The following RANBP2 variants were observed in gnomAD, a reference collection of about 807,000 sequenced individuals.
RANBP2 encodes E3 SUMO-protein ligase RanBP2.
In RANBP2, 57 loss-of-function variants were observed where a neutral mutation model predicts 303.6. The ratio of observed to expected loss-of-function variants is 0.19; its 90% CI spans 0.15 to 0.23. RANBP2 has a LOEUF of 0.23. RANBP2 is among the 10% of genes least tolerant of loss of function. The pLI is 1.00. For missense variants in RANBP2, 3,138 were observed against 3,780.8 expected (o/e 0.83, Z 4.46); for synonymous variants, 1,167 against 1,301.5 (o/e 0.90, Z 2.23).
chr2:108,946,285 G>A, the RANBP2 span, among the ~76,000 whole-genome samples: 8 of 152,284 alleles, frequency 5.3e-5, no homozygotes, highest in East Asian at 1.2e-3. Context: ...CAGTACCTAC[G>A]GGTGACAGTG....
At chr2:108,735,090 C>T (rs1206443801) in intron 4 of RANBP2, among the ~76,000 whole-genome samples, 1 of 152,064 alleles carries the variant, frequency 6.6e-6, no homozygotes, top group Non-Finnish European at 1.5e-5. Flanking sequence ...CATTTAAGGT[C>T]AGGAGGTGAT....
At chr2:109,596,571 C>T in the RANBP2 span, among the ~76,000 whole-genome samples, 2 of 151,378 alleles carry the variant, frequency 1.3e-5, no homozygotes, top group Non-Finnish European at 2.9e-5. Context: ...GAGCAGAGAT[C>T]GCGCCGCTGC....
chr2:109,542,041 C>A, the RANBP2 span, among the ~76,000 whole-genome samples: 1 of 152,152 alleles, frequency 6.6e-6, no homozygotes, highest in Non-Finnish European at 1.5e-5. Context: ...GGAGGGAGTA[C>A]GTACCAGGAT....
At chr2:109,169,364 G>T in the RANBP2 span, among the ~76,000 whole-genome samples, 1 of 152,094 alleles carries the variant, frequency 6.6e-6, no homozygotes, top group African/African-American at 2.4e-5. Context: ...TTTCAGGAAG[G>T]GTCCCTTGCT....
chr2:108,788,252 C>G (rs1679256908), downstream of RANBP2, among the ~76,000 whole-genome samples: 1 of 151,556 alleles, frequency 6.6e-6, no homozygotes, highest in South Asian at 2.1e-4. Flanking sequence ...AATCCCGTCT[C>G]TACTAAAGAT....
At chr2:109,615,951 T>G in the RANBP2 span, 1 of 1,593,848 alleles carries the variant, frequency 6.3e-7, no homozygotes, top group Non-Finnish European at 8.5e-7. Context: ...CACACCCTCT[T>G]TCAGGGACCC....
At chr2:108,942,193 G>A in the RANBP2 span, among the ~76,000 whole-genome samples, 1 of 152,248 alleles carries the variant, frequency 6.6e-6, no homozygotes, top group Admixed American at 6.5e-5. Context: ...AGCATTGCAA[G>A]GGAGGCACTC....
chr2:109,613,860 A>G, the RANBP2 span: 18 of 1,233,180 alleles, frequency 1.5e-5, no homozygotes, highest in African/African-American at 2.6e-4. Flanking sequence ...AAGCGGCTGT[A>G]TCAGCCCGGC....
At chr2:109,568,373 CTTT>C in the RANBP2 span, among the ~76,000 whole-genome samples, 3 of 129,168 alleles carry the variant, frequency 2.3e-5, no homozygotes, top group Non-Finnish European at 3.3e-5. Flanking sequence ...GCCACACAAT[CTTT>C]TTTTTTTTTT....
At chr2:109,062,844 G>T in the RANBP2 span, among the ~76,000 whole-genome samples, 3 of 151,790 alleles carry the variant, frequency 2.0e-5, no homozygotes, top group African/African-American at 7.3e-5. Context: ...GATGTGTTGG[G>T]GGCCCTGGGA....
At chr2:108,912,571 G>T in the RANBP2 span, 2 of 1,084,396 alleles carry the variant, frequency 1.8e-6, no homozygotes, top group Non-Finnish European at 2.7e-6. Context: ...AGGCCAGGTG[G>T]GGAAGCGCAC....
chr2:109,347,715 C>T, the RANBP2 span: 219 of 1,613,842 alleles, frequency 1.4e-4, no homozygotes, highest in African/African-American at 2.2e-3. Context: ...TCTACAGCTA[C>T]GAGGGGAAGG....
the RANBP2 span, among the ~76,000 whole-genome samples, chr2:109,198,533 C>A: frequency 7.9e-5 from 12 of 152,140 alleles, no homozygotes; most frequent in Admixed American, 7.9e-4. Context: ...CAGCAGACAT[C>A]GATTTCTGTG....
chr2:109,319,391 G>A, the RANBP2 span, among the ~76,000 whole-genome samples: 26 of 152,336 alleles, frequency 1.7e-4, no homozygotes, highest in Admixed American at 1.4e-3. Context: ...GGCTCAGTGG[G>A]GTCCCGGGGA....
At chr2:109,385,810 A>G in the RANBP2 span, among the ~76,000 whole-genome samples, 1 of 152,232 alleles carries the variant, frequency 6.6e-6, no homozygotes, top group African/African-American at 2.4e-5. Flanking sequence ...CTGGCACCAG[A>G]AACAAAAAAA....
At chr2:108,864,734 C>T in the RANBP2 span, among the ~76,000 whole-genome samples, 1,096 of 147,628 alleles carry the variant, frequency 7.4e-3, 13 homozygotes, top group South Asian at 0.023. Context: ...GCGGAGGTTG[C>T]AGTGAGTTGA....
At chr2:109,674,328 A>G in the RANBP2 span, among the ~76,000 whole-genome samples, 1 of 144,446 alleles carries the variant, frequency 6.9e-6, no homozygotes, top group African/African-American at 2.5e-5. Context: ...GGTCCCAGGT[A>G]CTTGGGAGGG....
At chr2:109,579,720 C>T in the RANBP2 span, among the ~76,000 whole-genome samples, 1 of 151,758 alleles carries the variant, frequency 6.6e-6, no homozygotes, top group African/African-American at 2.4e-5. Context: ...ACCAAACATT[C>T]CAGGGAAAAA....
chr2:109,300,884 C>T, the RANBP2 span, among the ~76,000 whole-genome samples: 1 of 152,206 alleles, frequency 6.6e-6, no homozygotes, highest in African/African-American at 2.4e-5. Flanking sequence ...AGAGTGCCCT[C>T]TCTGCTGCTT....
Sources: gnomAD v4.1 joint callset for allele counts (sites outside exome capture counted in the v4.1 genomes callset) on GRCh38, gnomAD v4.1.1 for gene constraint, MANE v1.5 for transcripts, NCBI Gene and HGNC (gene_info 2026-07-23, HGNC 2026-07-21) for gene names.